Variants in COBL observed in about 807,000 individuals in gnomAD.
COBL encodes cordon-bleu WH2 repeat protein, also known as protein cordon-bleu.
A neutral mutation model predicts 98.8 loss-of-function variants in COBL; 51 were observed. That is an observed-to-expected ratio of 0.52 (90% CI 0.41 to 0.65). The LOEUF is 0.65. Ranked by LOEUF, COBL falls within the 30% of genes least tolerant of loss-of-function variation. The probability of loss-of-function intolerance (pLI) is 0.00; values close to 1 mark genes in which losing one functional copy is unlikely to be tolerated. For synonymous variants in COBL, 634 were observed against 651.7 expected (o/e 0.97, Z 0.41); for missense variants, 1,617 against 1,617.5 (o/e 1.00, Z 0.01).
chr7:51,266,562 G>A (rs1278787826), intron 1 of COBL, among the ~76,000 whole-genome samples: 1 of 152,230 alleles, frequency 6.6e-6, no homozygotes, highest in African/African-American at 2.4e-5. Context: ...TGGGCAACAA[G>A]AGCGAGACTC....
intron 6 of COBL, among the ~76,000 whole-genome samples, chr7:51,112,046 A>C (rs1336173306): frequency 6.6e-6 from 1 of 152,200 alleles, no homozygotes; most frequent in African/African-American, 2.4e-5. Flanking sequence ...CACTAAGAAC[A>C]AGTCCAGGCA....
At chr7:51,246,172 G>T (rs1048102613) in intron 1 of COBL, among the ~76,000 whole-genome samples, 1 of 152,088 alleles carries the variant, frequency 6.6e-6, no homozygotes, top group African/African-American at 2.4e-5. Context: ...ATGCAGAAAA[G>T]CAAGTATGTA....
intron 6 of COBL, among the ~76,000 whole-genome samples, chr7:51,105,292 C>A (rs1416393240): frequency 6.6e-6 from 1 of 152,216 alleles, no homozygotes; most frequent in Non-Finnish European, 1.5e-5. Flanking sequence ...GTCAGTACCA[C>A]CCTACAGAAA....
At chr7:51,068,087 AGCC>A (rs1792132697) in intron 7 of COBL, among the ~76,000 whole-genome samples, 1 of 152,192 alleles carries the variant, frequency 6.6e-6, no homozygotes, top group Admixed American at 6.5e-5. Flanking sequence ...GCGGTTCTCA[AGCC>A]AGGCTTGAGC....
chr7:51,273,522 AGTC>A (rs889557312), intron 1 of COBL, among the ~76,000 whole-genome samples: 1 of 152,144 alleles, frequency 6.6e-6, no homozygotes, highest in Non-Finnish European at 1.5e-5. Flanking sequence ...TTCCTAAGGA[AGTC>A]ATCATTGACA....
chr7:51,157,215 AC>A (rs1431433947), intron 5 of COBL, among the ~76,000 whole-genome samples: 2 of 152,196 alleles, frequency 1.3e-5, no homozygotes, highest in African/African-American at 4.8e-5. Flanking sequence ...TACTAAAAAT[AC>A]AAAAAAATTA....
At chr7:51,224,294 C>T (rs922156531) in intron 1 of COBL, among the ~76,000 whole-genome samples, 1 of 152,190 alleles carries the variant, frequency 6.6e-6, no homozygotes, top group Non-Finnish European at 1.5e-5. Context: ...GATATTGACA[C>T]TGCTGAAAAT....
intron 2 of COBL, among the ~76,000 whole-genome samples, chr7:51,208,871 A>G (rs926340908): frequency 1.3e-5 from 2 of 151,754 alleles, no homozygotes; most frequent in East Asian, 3.9e-4. Context: ...CAGAGTCATC[A>G]CCACTCCCTA....
chr7:51,287,708 A>C (rs1476293057), intron 1 of COBL, among the ~76,000 whole-genome samples: 1 of 152,208 alleles, frequency 6.6e-6, no homozygotes, highest in Non-Finnish European at 1.5e-5. Context: ...CTCTATTCAC[A>C]CTCACAAAAC....
intron 1 of COBL, among the ~76,000 whole-genome samples, chr7:51,260,688 GAGA>G (rs1797636371): frequency 6.6e-6 from 1 of 152,218 alleles, no homozygotes; most frequent in Non-Finnish European, 1.5e-5. Context: ...GTCGCTACAG[GAGA>G]AGATGGGAAA....
At chr7:51,306,495 C>T (rs537857270) in intron 1 of COBL, among the ~76,000 whole-genome samples, 1 of 152,270 alleles carries the variant, frequency 6.6e-6, no homozygotes, top group Admixed American at 6.5e-5. Context: ...TTAAATGTAT[C>T]AGCCCAAGAC....
chr7:51,149,632 A>G (rs979731057), intron 5 of COBL, among the ~76,000 whole-genome samples: 3 of 152,148 alleles, frequency 2.0e-5, no homozygotes, highest in Non-Finnish European at 1.5e-5. Context: ...TTTGAGACAG[A>G]GTCTCACTGT....
intron 8 of COBL, chr7:51,034,245 T>G (rs543055406): frequency 1.3e-5 from 2 of 152,486 alleles, no homozygotes; most frequent in Non-Finnish European, 2.9e-5. Flanking sequence ...GGGGCCCTGC[T>G]TGCCCTGAAA....
chr7:51,222,717 GGA>G lies in COBL; in HGVS notation c.42-2775_42-2774del, dbSNP rs746202525. ...ATTACCTCCCAAAGGTGTTTTCAGGGGAAAAAAAAAAAAGTGTTTTTCATTTT... is the reference window on the plus strand; with the variant it reads ...ATTACCTCCCAAAGGTGTTTTCAGGGAAAAAAAAAAAGTGTTTTTCATTTT... On this transcript the variant is annotated intron_variant, in intron 1 of 12. Transcript: ENST00000265136. 1.2e-4 allele frequency among the ~76,000 whole-genome samples: 18 copies of G among 146,808 alleles called. No homozygotes were observed. In the East Asian group the frequency reaches 3.0e-3, roughly 24 times the overall value.
intron 6 of COBL, among the ~76,000 whole-genome samples, chr7:51,120,954 T>C (rs1797685245): frequency 6.6e-6 from 1 of 152,224 alleles, no homozygotes; most frequent in Non-Finnish European, 1.5e-5. Flanking sequence ...GTTTCAGCTA[T>C]TATGAATCAT....
At chr7:51,089,375 C>A (rs1012816278) in intron 6 of COBL, among the ~76,000 whole-genome samples, 19 of 151,936 alleles carry the variant, frequency 1.3e-4, no homozygotes, top group African/African-American at 4.1e-4. Flanking sequence ...ATTAGCCAGG[C>A]GTGGTGGCGG....
At chr7:51,210,173 A>G (rs957055689) in intron 2 of COBL, among the ~76,000 whole-genome samples, 2 of 152,188 alleles carry the variant, frequency 1.3e-5, no homozygotes, top group Non-Finnish European at 2.9e-5. Context: ...CACCCTGTGA[A>G]GGCAGCTCTG....
intron 4 of COBL, chr7:51,188,028 T>G (rs1312296263): frequency 7.7e-6 from 9 of 1,165,288 alleles, no homozygotes; most frequent in Non-Finnish European, 9.7e-6. Context: ...ACCCAGGCCT[T>G]GGCCCTCACA....
chr7:51,126,119 G>A (rs1798182801), intron 6 of COBL, among the ~76,000 whole-genome samples: 1 of 152,216 alleles, frequency 6.6e-6, no homozygotes, highest in South Asian at 2.1e-4. Context: ...CTTGAGGTCA[G>A]GAGTTCAAGA....
Sources: allele counts gnomAD v4.1 joint callset (sites outside exome capture counted in the v4.1 genomes callset), GRCh38; gene constraint gnomAD v4.1.1; transcripts MANE v1.5; gene names NCBI Gene and HGNC (gene_info 2026-07-23, HGNC 2026-07-21).